XXYLT1: variants seen among roughly 807,000 people sequenced by gnomAD.
The protein encoded by XXYLT1 is UDP-xylose:alpha-xyloside alpha-1,3-xylosyltransferase.
A neutral mutation model predicts 28.9 loss-of-function variants in XXYLT1; 20 were observed. The observed-to-expected ratio is 0.69, with a 90% CI of 0.49 to 1.00. The LOEUF (loss-of-function observed/expected upper bound fraction) is 1.00. Among genes scored for constraint, XXYLT1 ranks in the 50% least tolerant of loss-of-function variants. The pLI is 0.00. For missense variants in XXYLT1, 542 were observed against 560.1 expected (o/e 0.97, Z 0.33); for synonymous variants, 257 against 253.8 (o/e 1.01, Z -0.12).
Position 195,068,644 on chromosome 3 carries a change from T to C in XXYLT1, c.*1071A>G, listed in dbSNP as rs1397732922. The C allele has an allele frequency of 6.7e-6, 1 of 149,734 alleles. No individual in the cohort carries two copies. The highest frequency in any genetic ancestry group is 2.5e-5 in the African/African-American group (1 of 40,702). 9.3% of individuals were successfully genotyped at this position (149,734 alleles called of 1,614,324 possible). On this transcript the variant is annotated 3_prime_UTR_variant, in exon 4 of 4. Transcript: ENST00000310380. ...TGTCGTCCAGGCTGGAGTGCAGTGG[T>C]GTGATCACAGCTCAGTGCAGTGAAC...
intron 2 of XXYLT1, among the ~76,000 whole-genome samples, chr3:195,189,405 G>A (rs966856239): frequency 2.0e-5 from 3 of 152,116 alleles, no homozygotes; most frequent in African/African-American, 7.2e-5. Flanking sequence ...TGATATAATA[G>A]CAAAACATCC....
chr3:195,235,481 G>T (rs1354830943), intron 1 of XXYLT1, among the ~76,000 whole-genome samples: 1 of 152,194 alleles, frequency 6.6e-6, no homozygotes, highest in East Asian at 1.9e-4. Context: ...CTGTTTGAAA[G>T]ATCACATATC....
intron 2 of XXYLT1, among the ~76,000 whole-genome samples, chr3:195,164,803 G>A (rs900005967): frequency 1.2e-4 from 18 of 152,324 alleles, no homozygotes; most frequent in Middle Eastern, 6.8e-3. Context: ...GGATGTGGAC[G>A]CTTATCTGTG....
rs942593021 is a variant in XXYLT1 at position 195,257,787 on chromosome 3, C to T, written c.504+12768G>A. On this transcript the variant is annotated intron_variant, in intron 1 of 3. Coordinates refer to ENST00000310380, the MANE Select transcript of XXYLT1 (RefSeq NM_152531.5). This position sits in a 1 kb window ranked among gnomAD's most constrained non-coding sequence, Gnocchi z 4.3. ...CTGGTCATGACTCTCCTGCCAGGGA[C>T]AGAAGACAGAGCCAGTCTGTGGCTC... 6.6e-6 allele frequency among the ~76,000 whole-genome samples: 1 copy of T among 152,100 alleles called. No homozygotes were observed. The highest frequency in any genetic ancestry group is 1.5e-5 in the Non-Finnish European group (1 of 68,008).
chr3:195,270,775 C>A lies in XXYLT1; in HGVS notation c.284G>T (p.Gly95Val). ...CATCAGCAGGTGGTAGTCCACCGGC[C>A]CGGCACCGCCGCCCTCCAAGCTCTT... ...KAKSLEGGGA[G>V]PVDYHLLMMF... is the part of the protein sequence containing the mutation. Residue 95 changes from glycine to valine, a missense_variant, in exon 1 of 4, where the codon GGG becomes GTG. Transcript: ENST00000310380. 6.4e-7 allele frequency: 1 copy of A among 1,573,228 alleles called. No homozygotes were observed. The highest frequency in any genetic ancestry group is 8.6e-7 in the Non-Finnish European group (1 of 1,164,920).
intron 3 of XXYLT1, among the ~76,000 whole-genome samples, chr3:195,109,809 A>AGT (rs1170667859): frequency 3.5e-5 from 1 of 28,820 alleles, no homozygotes; most frequent in Non-Finnish European, 8.3e-5. Context: ...GTGGTGTATG[A>AGT]GTGTGTGTGT....
chr3:195,266,102 A>G (rs929749979), intron 1 of XXYLT1, among the ~76,000 whole-genome samples: 3 of 152,230 alleles, frequency 2.0e-5, no homozygotes, highest in Non-Finnish European at 4.4e-5. Context: ...AGAAGAATTC[A>G]GGAAGCTCAG....
rs1721260733 is a variant in XXYLT1, at chr3:195,168,930, C to A, written c.653-12349G>T. Among the ~76,000 whole-genome samples, 1 of 152,204 alleles carries A rather than the reference C, an allele frequency of 6.6e-6. No individual in the cohort carries two copies. The highest frequency in any genetic ancestry group is 1.5e-5 in the Non-Finnish European group (1 of 68,040). On this transcript the variant is annotated intron_variant, in intron 2 of 3. Transcript: ENST00000310380. This position sits in a 1 kb window ranked among gnomAD's most constrained non-coding sequence, Gnocchi z 4.3. ...ATGTGGTCCCTTTAAACAGGGCTTA[C>A]CTCTGATTCCACCCACTCCCTGTGC...
chr3:195,270,859 G>C lies in XXYLT1; in HGVS notation c.200C>G (p.Ser67Trp). 7.1e-7 allele frequency: 1 copy of C among 1,413,016 alleles called. No individual in the cohort carries two copies. The highest frequency in any genetic ancestry group is 1.5e-5 in the African/African-American group (1 of 66,086). 87.5% of individuals were successfully genotyped at this position (1,413,016 alleles called of 1,614,324 possible). A position where few individuals can be genotyped will look rare whatever the true frequency, so the allele number is the denominator to read the frequency against. Residue 67 changes from serine (S) to tryptophan (W), a missense_variant, in exon 1 of 4, where the codon TCG (serine) becomes TGG (tryptophan). By Grantham distance (177) the Ser-to-Trp change is radical (BLOSUM62 -3). Coordinates refer to ENST00000310380, the MANE Select transcript of XXYLT1 (RefSeq NM_152531.5). ...CCGCGCTAGCTCCAGCGCGGGCGGC[G>C]AGGGCGCGGCGGGAGCCCCGGCGCG... ...EARAGAPAAP[S>W]PPALELARGS...
At chr3:195,139,857 T>C (rs1719394348) in intron 3 of XXYLT1, among the ~76,000 whole-genome samples, 1 of 152,108 alleles carries the variant, frequency 6.6e-6, no homozygotes, top group Non-Finnish European at 1.5e-5. Flanking sequence ...TCACCAACAG[T>C]CCCTATGGAC....
At chr3:195,156,399 G>A (rs1720591243) in intron 3 of XXYLT1, 50 bp downstream of exon 3, 1 of 1,596,344 alleles carries the variant, frequency 6.3e-7, no homozygotes, top group Admixed American at 1.7e-5. Flanking sequence ...GAGAGAGGGT[G>A]AAGGGTGGGG....
At chr3:195,086,312 C>T (rs532518061) in intron 3 of XXYLT1, among the ~76,000 whole-genome samples, 18 of 152,346 alleles carry the variant, frequency 1.2e-4, no homozygotes, top group South Asian at 4.1e-4. Flanking sequence ...ATCATTACGA[C>T]GGCTTTATCA....
intron 2 of XXYLT1, among the ~76,000 whole-genome samples, chr3:195,185,550 A>G (rs1722162751): frequency 7.1e-6 from 1 of 140,310 alleles, no homozygotes; most frequent in Non-Finnish European, 1.5e-5. Flanking sequence ...TCACTGAAGG[A>G]CCATGGGTAA....
intron 1 of XXYLT1, among the ~76,000 whole-genome samples, chr3:195,268,599 AC>A (rs34354069): frequency 0.81 from 119,980 of 149,010 alleles, 48,202 homozygotes; most frequent in East Asian, 0.93. Flanking sequence ...ACTCCATCTC[AC>A]AAAAAAAAAA....
At chr3:195,110,472 G>GTATAA (rs1717571019) in intron 3 of XXYLT1, among the ~76,000 whole-genome samples, 1 of 136,700 alleles carries the variant, frequency 7.3e-6, no homozygotes, top group Non-Finnish European at 1.6e-5. Context: ...GTGTGGGTGA[G>GTATAA]GTGTGTGTGT....
chr3:195,265,490 CA>C (rs1435814917), intron 1 of XXYLT1, among the ~76,000 whole-genome samples: 2 of 152,158 alleles, frequency 1.3e-5, no homozygotes, highest in African/African-American at 4.8e-5. Flanking sequence ...GCTGATAGCA[CA>C]AGGCAAATAC....
At chr3:195,231,312 G>T (rs1253322394) in intron 1 of XXYLT1, among the ~76,000 whole-genome samples, 2 of 152,006 alleles carry the variant, frequency 1.3e-5, no homozygotes. Flanking sequence ...TTTCCAAATA[G>T]GAGGTCATAT....
intron 2 of XXYLT1, among the ~76,000 whole-genome samples, chr3:195,167,102 T>C (rs1721164718): frequency 6.6e-6 from 1 of 152,268 alleles, no homozygotes; most frequent in African/African-American, 2.4e-5. Flanking sequence ...CGCAGCGCCA[T>C]GTCGGCAGGC....
chr3:195,188,493 A>G (rs1023227758), intron 2 of XXYLT1, among the ~76,000 whole-genome samples: 2 of 152,234 alleles, frequency 1.3e-5, no homozygotes, highest in Non-Finnish European at 2.9e-5. Flanking sequence ...ATGAGTGCAG[A>G]ATTGCTGCTG....
Sources: gnomAD v4.1 joint callset for allele counts (sites outside exome capture counted in the v4.1 genomes callset) on GRCh38, gnomAD v4.1.1 for gene constraint, Gnocchi (gnomAD v3.1) non-coding constraint, MANE v1.5 for transcripts, NCBI Gene and HGNC (gene_info 2026-07-23, HGNC 2026-07-21) for gene names.